The following NPLOC4 variants were observed in gnomAD, a reference collection of about 807,000 sequenced individuals.
NPLOC4 encodes the protein NPL4 homolog, ubiquitin recognition factor.
A neutral mutation model predicts 80.6 loss-of-function variants in NPLOC4; 18 were observed. The ratio of observed to expected loss-of-function variants is 0.22; its 90% CI spans 0.15 to 0.33. The LOEUF is 0.33. Ranked by LOEUF, NPLOC4 falls within the 10% of genes least tolerant of loss-of-function variation. The pLI is 1.00. For synonymous variants in NPLOC4, 313 were observed against 301.5 expected (o/e 1.04, Z -0.39); for missense variants, 540 against 786.1 (o/e 0.69, Z 3.74).
intron 13 of NPLOC4, among the ~76,000 whole-genome samples, chr17:81,570,716 G>T (rs1040288411): frequency 6.6e-6 from 1 of 152,180 alleles, no homozygotes; most frequent in Non-Finnish European, 1.5e-5. Flanking sequence ...TGCCTGCCCA[G>T]CCATCCCATC....
In NPLOC4 at chr17:81,589,003, C is replaced by T; in HGVS notation, c.1222G>A (p.Glu408Lys). The change falls in exon 12 of 17, where the codon GAG (glutamate) becomes AAG (lysine). Residue 408 changes from glutamate to lysine, a missense_variant. Coordinates refer to ENST00000331134, the MANE Select transcript of NPLOC4 (RefSeq NM_017921.4). ...CTAGACTCCTTGGCGTAGCCAAGCT[C>T]CGGGGCGTCCTTGCATGGCAGCAAA... ...ECLLPCKDAP[E>K]LGYAKESSSE... The T allele has an allele frequency of 6.2e-7, 1 of 1,614,012 alleles. No individual in the cohort carries two copies. The highest frequency in any genetic ancestry group is 8.5e-7 in the Non-Finnish European group (1 of 1,179,868).
chr17:81,581,204 T>G (rs753198260), intron 12 of NPLOC4, among the ~76,000 whole-genome samples: 27 of 151,666 alleles, frequency 1.8e-4, no homozygotes, highest in Non-Finnish European at 2.9e-4. Flanking sequence ...ACAAAAAAAT[T>G]AGCCAGGCAT....
chr17:81,625,657 G>T (rs2035775557), intron 2 of NPLOC4, among the ~76,000 whole-genome samples: 1 of 152,128 alleles, frequency 6.6e-6, no homozygotes, highest in Admixed American at 6.6e-5. Flanking sequence ...CTTGAGCCCA[G>T]AAGTTTAAGG....
rs1263905669 is a variant in NPLOC4 at position 81,556,991 on chromosome 17, G to A, written c.*2268C>T. 6.5e-6 allele frequency: 1 copy of A among 152,686 alleles called. No homozygotes were observed. Among genetic ancestry groups the A allele is most frequent in the African/African-American group, 2.4e-5 (1 of 41,474 alleles). 9.5% of individuals were successfully genotyped at this position (152,686 alleles called of 1,614,324 possible). ...TGTGAGCCGAAACAGAGCCGAAGCAGGAGCACCTGTGTCCCAGGAGCAGCT... is the reference window on the plus strand; with the variant it reads ...TGTGAGCCGAAACAGAGCCGAAGCAAGAGCACCTGTGTCCCAGGAGCAGCT... On this transcript the variant is annotated 3_prime_UTR_variant, in exon 17 of 17. Transcript: ENST00000331134.
intron 3 of NPLOC4, among the ~76,000 whole-genome samples, chr17:81,618,732 T>G (rs1235184567): frequency 2.0e-5 from 3 of 151,504 alleles, no homozygotes; most frequent in South Asian, 2.1e-4. Flanking sequence ...GAACGGGCCA[T>G]GATGACAATG....
Position 81,597,279 on chromosome 17 carries a change from G to T in NPLOC4, c.959C>A (p.Thr320Asn). 3.7e-6 allele frequency: 6 copies of T among 1,613,534 alleles called. No individual in the cohort carries two copies. The highest frequency in any genetic ancestry group is 5.1e-6 in the Non-Finnish European group (6 of 1,179,552). ...WIFTDLVSED[T>N]RKGTVRYSRN... ...ACTGTAGCGGACGGTACCCTTTCGG[G>T]TATCTTCTGAGACGAGGTCTGTAAA... Residue 320 changes from threonine (T) to asparagine (N), a missense_variant, in exon 10 of 17, where the codon ACC becomes AAC. Physicochemically the swap from Thr to Asn is moderately conservative, Grantham distance 65. This residue lies in a region of NPLOC4 where 251 missense variants were observed against 377.5 expected (regional missense o/e 0.66). Transcript: ENST00000331134.
At chr17:81,581,591 C>T (rs191603523) in intron 12 of NPLOC4, among the ~76,000 whole-genome samples, 1 of 152,174 alleles carries the variant, frequency 6.6e-6, no homozygotes. Context: ...TCCTCCACAG[C>T]ACCAAGGCCA....
intron 12 of NPLOC4, among the ~76,000 whole-genome samples, chr17:81,587,485 T>G (rs1313131557): frequency 1.3e-5 from 2 of 150,422 alleles, no homozygotes; most frequent in Non-Finnish European, 3.0e-5. Context: ...CCGGCTAACT[T>G]TTTGTAGTTT....
Position 81,600,350 on chromosome 17 carries a change from G to A in NPLOC4, c.912C>T (p.Gly304=), listed in dbSNP as rs1257301656. The A allele has an allele frequency of 3.7e-6, 6 of 1,610,408 alleles. No individual in the cohort carries two copies. The Admixed American group carries it at 5.0e-5, about 14-fold the overall frequency. Reference sequence around the variant, plus strand: ...CCGGATGCCTCAGTACCTTCCGCAGGCCAAGTTTGGCAGCAATTTCATCGA... The same window carrying A: ...CCGGATGCCTCAGTACCTTCCGCAGACCAAGTTTGGCAGCAATTTCATCGA... The part of the protein sequence containing the change: ...EVVDEIAAKL[G]LRKVGWIFTD... The change falls in exon 9 of 17, where the codon GGC becomes GGT. Residue 304 remains glycine, a synonymous_variant. Coordinates refer to ENST00000331134, the MANE Select transcript of NPLOC4 (RefSeq NM_017921.4).
At chr17:81,591,951 G>T (rs1332952268) in intron 11 of NPLOC4, among the ~76,000 whole-genome samples, 3 of 151,006 alleles carry the variant, frequency 2.0e-5, no homozygotes, top group Non-Finnish European at 4.5e-5. Context: ...CCCAGTGTGT[G>T]GGGTAAGTTC....
intron 2 of NPLOC4, among the ~76,000 whole-genome samples, chr17:81,623,464 CA>C (rs60092546): frequency 1.3e-4 from 11 of 82,600 alleles, no homozygotes; most frequent in Non-Finnish European, 1.9e-4. Context: ...GACTTTGTTT[CA>C]AAAAAAAAAA....
At chr17:81,583,882 TAAC>T (rs2034506612) in intron 12 of NPLOC4, among the ~76,000 whole-genome samples, 2 of 152,048 alleles carry the variant, frequency 1.3e-5, no homozygotes, top group African/African-American at 4.8e-5. Flanking sequence ...TTCAAGAAAA[TAAC>T]AAAAAAAATT....
At chr17:81,612,906 A>G (rs1474825861) in intron 4 of NPLOC4, 2 of 159,550 alleles carry the variant, frequency 1.3e-5, no homozygotes, top group Non-Finnish European at 2.7e-5. Context: ...CTCACCTCAC[A>G]TGGATGCGCA....
At chr17:81,570,944 G>A (rs2034145502) in intron 13 of NPLOC4, among the ~76,000 whole-genome samples, 1 of 152,212 alleles carries the variant, frequency 6.6e-6, no homozygotes, top group Non-Finnish European at 1.5e-5. Context: ...TATAAAAGAA[G>A]AGGAAAGAAG....
intron 3 of NPLOC4, among the ~76,000 whole-genome samples, chr17:81,620,015 A>C (rs980859002): frequency 6.6e-6 from 1 of 152,170 alleles, no homozygotes; most frequent in African/African-American, 2.4e-5. Flanking sequence ...GGGTCTTGTG[A>C]ATGTGAAATC....
chr17:81,629,349 G>A (rs1004323145), intron 2 of NPLOC4, among the ~76,000 whole-genome samples: 1 of 151,582 alleles, frequency 6.6e-6, no homozygotes, highest in Non-Finnish European at 1.5e-5. Flanking sequence ...CTACCACCAC[G>A]CCCGACTAAT....
chr17:81,615,908 C>G (rs1224289638), intron 3 of NPLOC4, among the ~76,000 whole-genome samples: 2 of 152,214 alleles, frequency 1.3e-5, no homozygotes, highest in Non-Finnish European at 2.9e-5. Flanking sequence ...TGGAGCAGAA[C>G]CAGGGATGAT....
At chr17:81,602,563 C>A (rs901470689) in intron 8 of NPLOC4, among the ~76,000 whole-genome samples, 1 of 151,798 alleles carries the variant, frequency 6.6e-6, no homozygotes, top group Non-Finnish European at 1.5e-5. Context: ...ATTAGCCAGG[C>A]GTGGTGGCGG....
chr17:81,592,100 T>C (rs538060008), intron 11 of NPLOC4, among the ~76,000 whole-genome samples: 12 of 152,152 alleles, frequency 7.9e-5, no homozygotes, highest in Admixed American at 1.3e-4. Context: ...GAAGGACAGA[T>C]GCAGAGGGAG....
Sources: allele counts gnomAD v4.1 joint callset (sites outside exome capture counted in the v4.1 genomes callset), GRCh38; gene constraint gnomAD v4.1.1; regional missense constraint gnomAD v4.1.1; transcripts MANE v1.5; gene names NCBI Gene and HGNC (gene_info 2026-07-23, HGNC 2026-07-21).